Variants in SH3BP5 observed in about 807,000 individuals in gnomAD.
SH3BP5 encodes the protein SH3 domain binding protein 5, also known as SH3 domain-binding protein 5.
In SH3BP5, 22 loss-of-function variants were observed where a neutral mutation model predicts 43.3. The ratio of observed to expected loss-of-function variants is 0.51; its 90% CI spans 0.36 to 0.73. The LOEUF is 0.73. SH3BP5 is among the 30% of genes least tolerant of loss of function. SH3BP5 has a pLI of 0.00. For missense variants in SH3BP5, 529 were observed against 586.9 expected (o/e 0.90, Z 1.02); for synonymous variants, 255 against 225.8 (o/e 1.13, Z -1.16).
intron 2 of SH3BP5, among the ~76,000 whole-genome samples, chr3:15,328,479 A>T (rs1698520971): frequency 6.6e-6 from 1 of 152,064 alleles, no homozygotes; most frequent in Admixed American, 6.5e-5. Flanking sequence ...CTGTGATCCC[A>T]GCACTTTGGG....
Position 15,256,141 on chromosome 3 carries a change from C to T in SH3BP5, c.1313G>A (p.Cys438Tyr), listed in dbSNP as rs1187404012. 6.2e-7 allele frequency: 1 copy of T among 1,614,220 alleles called. No homozygotes were observed. The change falls in exon 9 of 9, where the codon TGC becomes TAC. Residue 438 changes from cysteine to tyrosine, a missense_variant. By Grantham distance (194) the Cys-to-Tyr change is radical (BLOSUM62 -2). This residue lies in a region of SH3BP5 where 369 missense variants were observed against 384.3 expected (regional missense o/e 0.96). Coordinates refer to ENST00000383791, the MANE Select transcript of SH3BP5 (RefSeq NM_004844.5). ...ENRMKQLSLQ[C>Y]SKGRDGIIAD... The stretch of plus-strand genomic sequence containing the variant: ...AATAATTCCATCTCTTCCCTTTGAG[C>T]ACTGTAGGGAGAGCTGCTTCATCCG...
intron 3 of SH3BP5, among the ~76,000 whole-genome samples, chr3:15,279,894 C>T (rs1013745716): frequency 6.6e-6 from 1 of 152,148 alleles, no homozygotes; most frequent in Non-Finnish European, 1.5e-5. Context: ...ACACAGCACC[C>T]AGAGGGCTTC....
intron 3 of SH3BP5, among the ~76,000 whole-genome samples, chr3:15,285,701 C>G (rs995456251): frequency 3.3e-5 from 5 of 152,348 alleles, no homozygotes; most frequent in Non-Finnish European, 5.9e-5. Context: ...GGTAGAGAAG[C>G]TGCACTTAGA....
At chr3:15,271,239 A>C (rs1223778805) in intron 3 of SH3BP5, among the ~76,000 whole-genome samples, 1 of 152,096 alleles carries the variant, frequency 6.6e-6, no homozygotes, top group Non-Finnish European at 1.5e-5. Flanking sequence ...TTATCCGAGC[A>C]TGGTGGCACA....
chr3:15,259,593 C>A, intron 6 of SH3BP5, 168 bp downstream of exon 6: 2 of 755,328 alleles, frequency 2.6e-6, no homozygotes, highest in African/African-American at 1.7e-5. Flanking sequence ...GTTCAGAGAC[C>A]ACTGAAGACC....
chr3:15,262,565 G>A (rs1422439460), intron 4 of SH3BP5, among the ~76,000 whole-genome samples: 1 of 152,160 alleles, frequency 6.6e-6, no homozygotes, highest in Non-Finnish European at 1.5e-5. Context: ...GCTAAGGCAG[G>A]AGAATCACTT....
chr3:15,263,726 C>T (rs555012892), intron 4 of SH3BP5, among the ~76,000 whole-genome samples: 2 of 152,326 alleles, frequency 1.3e-5, no homozygotes, highest in East Asian at 3.9e-4. Flanking sequence ...CCTTGCTTAC[C>T]TACAGAAAAG....
At position 15,259,109 on chromosome 3, in the gene SH3BP5, T is replaced by C. The variant is rs926421569; in HGVS notation, c.670-59A>G. 6 of 1,360,606 alleles carry C rather than the reference T, an allele frequency of 4.4e-6. No homozygotes were observed. In the African/African-American group the frequency reaches 8.6e-5, roughly 19 times the overall value. 84.3% of individuals were successfully genotyped at this position (1,360,606 alleles called of 1,614,324 possible). ...ACCCTGCTAGCCTTAAGATGCTTTC[T>C]GAATGACAGGTTCAAGTACATTTTC... On this transcript the variant is annotated intron_variant, in intron 6 of 8. Coordinates refer to ENST00000383791, the MANE Select transcript of SH3BP5 (RefSeq NM_004844.5).
chr3:15,332,247 G>A lies in SH3BP5; in HGVS notation c.138+24C>T, dbSNP rs1698630703. The A allele has an allele frequency of 2.6e-6, 4 of 1,551,330 alleles. No homozygotes were observed. The African/African-American group carries it at 4.1e-5, about 16-fold the overall frequency. Reference sequence around the variant, plus strand: ...GTAGCAGCCCTCGCGAAGCCCGGATGCGGGGCGACCCCGCGCGCCCTACCT... The same window carrying A: ...GTAGCAGCCCTCGCGAAGCCCGGATACGGGGCGACCCCGCGCGCCCTACCT... On this transcript the variant is annotated intron_variant, in intron 1 of 8. Coordinates refer to ENST00000383791, the MANE Select transcript of SH3BP5 (RefSeq NM_004844.5).
At chr3:15,334,216 C>A (rs1698673382), upstream of SH3BP5, among the ~76,000 whole-genome samples, 1 of 152,180 alleles carries the variant, frequency 6.6e-6, no homozygotes, top group African/African-American at 2.4e-5. Flanking sequence ...AACATCAGTT[C>A]AGACTTTTGT....
In SH3BP5 at chr3:15,265,341, C is replaced by T. The variant is rs540365424; in HGVS notation, c.496-3052G>A. ...GACCAACCTGGCCAACATGGTGAAA[C>T]CACGTCTCTACTAAAAATACAAAAA... On this transcript the variant is annotated intron_variant, in intron 4 of 8. Coordinates refer to ENST00000383791, the MANE Select transcript of SH3BP5 (RefSeq NM_004844.5). 2.6e-5 allele frequency among the ~76,000 whole-genome samples: 4 copies of T among 152,232 alleles called. No individual in the cohort carries two copies. The East Asian group carries it at 7.7e-4, about 29-fold the overall frequency.
At chr3:15,273,136 C>A in intron 3 of SH3BP5, 4 of 985,376 alleles carry the variant, frequency 4.1e-6, no homozygotes, top group Non-Finnish European at 4.8e-6. Context: ...CACACCAACT[C>A]CAGGAGACAG....
At chr3:15,277,589 C>T (rs1027853247) in intron 3 of SH3BP5, among the ~76,000 whole-genome samples, 2 of 152,112 alleles carry the variant, frequency 1.3e-5, no homozygotes, top group African/African-American at 4.8e-5. Flanking sequence ...TCCTACCCCC[C>T]ACCACACAGT....
chr3:15,263,992 A>G lies in SH3BP5; in HGVS notation c.496-1703T>C, dbSNP rs79933938. On this transcript the variant is annotated intron_variant, in intron 4 of 8. Coordinates refer to ENST00000383791, the MANE Select transcript of SH3BP5 (RefSeq NM_004844.5). Reference sequence around the variant, plus strand: ...CCCCGTAGAACAATTTTAGGGAGGTACCACCATGTCTTTAGTTCACAGTTA... The same window carrying G: ...CCCCGTAGAACAATTTTAGGGAGGTGCCACCATGTCTTTAGTTCACAGTTA... Among the ~76,000 whole-genome samples the G allele has an allele frequency of 1.8e-3, 274 of 152,338 alleles. 2 individuals are homozygous for G. The highest frequency in any genetic ancestry group is 3.4e-3 in the Middle Eastern group (1 of 294).
intron 8 of SH3BP5, 109 bp downstream of exon 8, chr3:15,256,744 G>C (rs1575271281): frequency 7.9e-7 from 1 of 1,260,112 alleles, no homozygotes; most frequent in Non-Finnish European, 1.1e-6. Flanking sequence ...CAGAGACCTG[G>C]TAATGCAGCA....
At chr3:15,332,249 G>C (rs1197136994) in intron 1 of SH3BP5, 22 bp downstream of exon 1, 2 of 1,551,468 alleles carry the variant, frequency 1.3e-6, no homozygotes, top group South Asian at 2.4e-5. Flanking sequence ...GCCCGGATGC[G>C]GGGCGACCCC....
At chr3:15,259,860 A>G (rs940396487) in intron 5 of SH3BP5, 57 bp from the exon 6 acceptor site, 8 of 1,482,148 alleles carry the variant, frequency 5.4e-6, no homozygotes, top group Non-Finnish European at 7.5e-6. Context: ...ACCACAGTCA[A>G]CTCCACAAGA....
intron 3 of SH3BP5, among the ~76,000 whole-genome samples, chr3:15,283,479 C>T (rs943679669): frequency 5.9e-5 from 9 of 152,196 alleles, no homozygotes; most frequent in Non-Finnish European, 1.0e-4. Flanking sequence ...GACAGGTTTA[C>T]AAGGCTGAGC....
At chr3:15,296,339 T>TACACACACACACACACAC (rs571693138) in intron 3 of SH3BP5, among the ~76,000 whole-genome samples, 12 of 126,490 alleles carry the variant, frequency 9.5e-5, no homozygotes, top group African/African-American at 5.2e-4. Flanking sequence ...GGGGAAATCA[T>TACACACACACACACACAC]ATACACACAC....
Sources: gnomAD v4.1 joint callset for allele counts (sites outside exome capture counted in the v4.1 genomes callset) on GRCh38, gnomAD v4.1.1 for gene constraint, gnomAD v4.1.1 regional missense constraint, MANE v1.5 for transcripts, NCBI Gene and HGNC (gene_info 2026-07-23, HGNC 2026-07-21) for gene names.